CCDC73: variants seen among roughly 807,000 people sequenced by gnomAD.
CCDC73 encodes coiled-coil domain-containing protein 73.
In CCDC73, 95 loss-of-function variants were observed where a neutral mutation model predicts 116.5. The ratio of observed to expected loss-of-function variants is 0.82; its 90% CI spans 0.69 to 0.97. The LOEUF is 0.97. CCDC73 is among the 50% of genes least tolerant of loss of function. The pLI, the probability that CCDC73 is intolerant of heterozygous loss-of-function variation, is 0.00. For synonymous variants in CCDC73, 398 were observed against 401.3 expected (o/e 0.99, Z 0.10); for missense variants, 1,066 against 1,206.8 (o/e 0.88, Z 1.73).
intron 7 of CCDC73, chr11:32,683,243 A>T (rs1856164185): frequency 2.7e-6 from 1 of 369,192 alleles, no homozygotes; most frequent in Admixed American, 4.5e-5. Flanking sequence ...TTCTTAGAGC[A>T]TCATGTTGAC....
upstream of CCDC73, among the ~76,000 whole-genome samples, chr11:32,798,918 G>GC (rs1480386486): frequency 6.7e-6 from 1 of 150,348 alleles, no homozygotes; most frequent in Non-Finnish European, 1.5e-5. Flanking sequence ...TTTGTTTTGG[G>GC]GGGGGGCGTT....
chr11:32,693,635 T>C (rs1403362990), intron 6 of CCDC73, among the ~76,000 whole-genome samples: 1 of 152,080 alleles, frequency 6.6e-6, no homozygotes, highest in Non-Finnish European at 1.5e-5. Flanking sequence ...TAGACGAATA[T>C]CCCTGATGAA....
At chr11:32,645,788 G>A in intron 12 of CCDC73, among the ~76,000 whole-genome samples, 1 of 152,112 alleles carries the variant, frequency 6.6e-6, no homozygotes, top group Non-Finnish European at 1.5e-5. Context: ...AATGTGTTGT[G>A]CTATGACAAT....
intron 1 of CCDC73, among the ~76,000 whole-genome samples, chr11:32,770,538 T>C (rs1850484164): frequency 6.6e-6 from 1 of 152,094 alleles, no homozygotes; most frequent in African/African-American, 2.4e-5. Context: ...AAGGATGCTA[T>C]GAAAAAAATT....
chr11:32,675,223 G>A (rs899932466), intron 9 of CCDC73, among the ~76,000 whole-genome samples: 6 of 152,182 alleles, frequency 3.9e-5, no homozygotes, highest in African/African-American at 1.4e-4. Context: ...CTTCATAGCT[G>A]TATCCTTAGT....
intron 1 of CCDC73, among the ~76,000 whole-genome samples, chr11:32,775,261 C>A (rs1214445661): frequency 6.6e-6 from 1 of 152,030 alleles, no homozygotes; most frequent in Non-Finnish European, 1.5e-5. Flanking sequence ...AAAAATATAC[C>A]AAATTTATTC....
In CCDC73 at chr11:32,760,165, G is replaced by C. The variant is rs769891574; in HGVS notation, c.79C>G (p.Leu27Val). The change falls in exon 2 of 18, where the codon CTA becomes GTA. Residue 27 changes from leucine to valine, a missense_variant. Transcript: ENST00000335185. Reference sequence around the variant, plus strand: ...AGTAAACTTGTTTTGAAATCTAATAGCTGAATAGAAAACAATGTCTCTGAA... The same window carrying C: ...AGTAAACTTGTTTTGAAATCTAATACCTGAATAGAAAACAATGTCTCTGAA... ...SSSETLFSIQ[L>V]LDFKTSLLEA... The C allele has an allele frequency of 1.2e-6, 2 of 1,602,698 alleles. No individual in the cohort carries two copies. The highest frequency in any genetic ancestry group is 1.3e-5 in the African/African-American group (1 of 74,642).
chr11:32,823,530 T>G, the CCDC73 span, among the ~76,000 whole-genome samples: 4 of 151,596 alleles, frequency 2.6e-5, no homozygotes, highest in Non-Finnish European at 5.9e-5. Flanking sequence ...AAAAAAAATT[T>G]GAGGCAGTGG....
intron 2 of CCDC73, among the ~76,000 whole-genome samples, chr11:32,759,011 GTAT>G (rs1850367528): frequency 6.6e-6 from 1 of 151,756 alleles, no homozygotes; most frequent in Non-Finnish European, 1.5e-5. Flanking sequence ...AACAATATTT[GTAT>G]TATTATATAA....
rs1850538281 is a variant in CCDC73 at position 32,776,939 on chromosome 11, AT to A, written c.-15-16682del. ...CAGAGTATGGTTAAAAAAAAAAAAT[AT>A]ATATATATATATATATATATACACA... On this transcript the variant is annotated intron_variant, in intron 1 of 17. Coordinates refer to ENST00000335185, the MANE Select transcript of CCDC73 (RefSeq NM_001008391.4). Among the ~76,000 whole-genome samples the A allele has an allele frequency of 7.1e-3, 131 of 18,352 alleles. 2 individuals are homozygous for A. The highest frequency in any genetic ancestry group is 0.017 in the African/African-American group (103 of 6,106). The allele number at this position is 18,352 out of a possible 152,430, so 12.0% of individuals were successfully genotyped here. A position where few individuals can be genotyped will look rare whatever the true frequency, so the allele number is the denominator to read the frequency against.
At chr11:32,708,220 T>G (rs200397328) in intron 3 of CCDC73, among the ~76,000 whole-genome samples, 2 of 152,112 alleles carry the variant, frequency 1.3e-5, no homozygotes, top group East Asian at 3.9e-4. Flanking sequence ...CTGTAAGTAT[T>G]TGGGTTTATT....
At chr11:32,606,337 C>T (rs1855350969) in intron 17 of CCDC73, 1 of 152,180 alleles carries the variant, frequency 6.6e-6, no homozygotes, top group South Asian at 2.1e-4. Context: ...ATATTTTCAG[C>T]TTTGTGGGCC....
chr11:32,619,475 A>C, intron 14 of CCDC73, among the ~76,000 whole-genome samples: 1 of 152,190 alleles, frequency 6.6e-6, no homozygotes, highest in Non-Finnish European at 1.5e-5. Context: ...GTTTGAGACC[A>C]GCTTAGGCCA....
intron 1 of CCDC73, among the ~76,000 whole-genome samples, chr11:32,766,443 G>C (rs1337346006): frequency 2.6e-5 from 4 of 152,152 alleles, no homozygotes; most frequent in Non-Finnish European, 5.9e-5. Flanking sequence ...ACATAGTGTT[G>C]GAAGTTCTGG....
At chr11:32,816,037 A>G in the CCDC73 span, among the ~76,000 whole-genome samples, 1 of 152,222 alleles carries the variant, frequency 6.6e-6, no homozygotes, top group Non-Finnish European at 1.5e-5. Context: ...AGAACCAAGG[A>G]TGCCTACTAA....
At chr11:32,803,370 C>T in the CCDC73 span, among the ~76,000 whole-genome samples, 3 of 151,920 alleles carry the variant, frequency 2.0e-5, no homozygotes, top group Non-Finnish European at 2.9e-5. Context: ...GGATTACAGG[C>T]GTGCGCCACC....
At chr11:32,615,067 T>C (rs1453284400) in intron 15 of CCDC73, 125 bp from the exon 16 acceptor site, 22 of 570,778 alleles carry the variant, frequency 3.9e-5, no homozygotes, top group Non-Finnish European at 5.9e-5. Context: ...TCAATAATTA[T>C]ACAAACTTAA....
intron 9 of CCDC73, among the ~76,000 whole-genome samples, chr11:32,666,198 T>C (rs1246755143): frequency 6.6e-6 from 1 of 152,206 alleles, no homozygotes; most frequent in Non-Finnish European, 1.5e-5. Flanking sequence ...TGAATTTGAA[T>C]GTTGGCCTGC....
chr11:32,642,029 T>G lies in CCDC73; in HGVS notation c.993A>C (p.Glu331Asp). 6.4e-7 allele frequency: 1 copy of G among 1,569,482 alleles called. No individual in the cohort carries two copies. ...GCTCATTTTGAAGATTAAGAAACTT[T>G]TCTTCATTTTCTTTTACCTTCTCCC... ...LQREKVKENE[E>D]KFLNLQNEHE... Residue 331 changes from glutamate to aspartate, a missense_variant, in exon 13 of 18, where the codon GAA (glutamate) becomes GAC (aspartate). Physicochemically the swap from Glu to Asp is conservative, Grantham distance 45. Coordinates refer to ENST00000335185, the MANE Select transcript of CCDC73 (RefSeq NM_001008391.4).
Sources: gnomAD v4.1 joint callset for allele counts (sites outside exome capture counted in the v4.1 genomes callset) on GRCh38, gnomAD v4.1.1 for gene constraint, MANE v1.5 for transcripts, NCBI Gene and HGNC (gene_info 2026-07-23, HGNC 2026-07-21) for gene names.